The following KCNMA1 variants were observed in gnomAD, a reference collection of about 807,000 sequenced individuals.
The protein encoded by KCNMA1 is Calcium-activated potassium channel subunit alpha-1.
In KCNMA1, 29 loss-of-function variants were observed where a neutral mutation model predicts 140.0. That is an observed-to-expected ratio of 0.21 (90% CI 0.15 to 0.28). The LOEUF is 0.28. Ranked by LOEUF, KCNMA1 falls within the 10% of genes least tolerant of loss-of-function variation. KCNMA1 has a pLI of 1.00. For synonymous variants in KCNMA1, 612 were observed against 611.9 expected (o/e 1.00, Z 0.00); for missense variants, 880 against 1,602.2 (o/e 0.55, Z 7.70).
chr10:77,277,048 C>A (rs1001845657), intron 2 of KCNMA1, among the ~76,000 whole-genome samples: 2 of 152,176 alleles, frequency 1.3e-5, no homozygotes, highest in Non-Finnish European at 2.9e-5. Flanking sequence ...GAGATGTCAG[C>A]TGGCTGTGTG....
chr10:77,095,482 G>A (rs2096908727), intron 9 of KCNMA1, among the ~76,000 whole-genome samples: 1 of 152,172 alleles, frequency 6.6e-6, no homozygotes. Context: ...AGTAGTGCCT[G>A]GTGCTGGGTC....
chr10:77,313,031 T>C (rs2079763848), intron 2 of KCNMA1, among the ~76,000 whole-genome samples: 1 of 152,184 alleles, frequency 6.6e-6, no homozygotes, highest in Non-Finnish European at 1.5e-5. Context: ...CAACAACAAA[T>C]TGGACTTCTG....
intron 14 of KCNMA1, among the ~76,000 whole-genome samples, chr10:77,042,495 T>A (rs1465406705): frequency 2.0e-5 from 3 of 152,224 alleles, no homozygotes; most frequent in Non-Finnish European, 4.4e-5. Flanking sequence ...TAGAGCCTTA[T>A]GGGCAAATAG....
chr10:77,392,166 GGGA>G, intron 2 of KCNMA1, among the ~76,000 whole-genome samples: 1 of 120,214 alleles, frequency 8.3e-6, no homozygotes, highest in African/African-American at 3.4e-5. Context: ...AAGGGAGGGA[GGGA>G]GGAGGGAGGA....
intron 1 of KCNMA1, among the ~76,000 whole-genome samples, chr10:77,607,842 C>T (rs756457453): frequency 2.6e-5 from 4 of 152,106 alleles, no homozygotes; most frequent in African/African-American, 4.8e-5. Context: ...TGTTTGTGGT[C>T]GTTACAGCAG....
chr10:77,471,558 C>T (rs191242202), intron 1 of KCNMA1, among the ~76,000 whole-genome samples: 1 of 150,568 alleles, frequency 6.6e-6, no homozygotes, highest in African/African-American at 2.4e-5. Context: ...ACACCATACA[C>T]TGCACACACT....
intron 2 of KCNMA1, among the ~76,000 whole-genome samples, chr10:77,299,610 C>T (rs569976576): frequency 2.0e-5 from 3 of 152,206 alleles, no homozygotes; most frequent in South Asian, 2.1e-4. Flanking sequence ...TGTTCTGGAA[C>T]GCAGCTCTAA....
intron 21 of KCNMA1, among the ~76,000 whole-genome samples, chr10:76,952,336 T>C (rs2066589648): frequency 6.6e-6 from 1 of 152,102 alleles, no homozygotes; most frequent in African/African-American, 2.4e-5. Context: ...CTGGCCAATA[T>C]GGTGAAACCC....
chr10:77,367,282 G>T (rs1048654711), intron 2 of KCNMA1, among the ~76,000 whole-genome samples: 8 of 152,196 alleles, frequency 5.3e-5, no homozygotes, highest in African/African-American at 1.9e-4. Flanking sequence ...GGATATGGGA[G>T]ATTTCAGGGG....
intron 2 of KCNMA1, among the ~76,000 whole-genome samples, chr10:77,342,347 C>T (rs1294237740): frequency 1.3e-5 from 2 of 152,160 alleles, no homozygotes; most frequent in African/African-American, 4.8e-5. Flanking sequence ...TGACGCCTAC[C>T]CTGTGAGATA....
intron 5 of KCNMA1, among the ~76,000 whole-genome samples, chr10:77,154,734 A>G (rs1277350020): frequency 1.3e-5 from 2 of 152,322 alleles, no homozygotes; most frequent in South Asian, 2.1e-4. Flanking sequence ...GTTGGATGAA[A>G]ATACTGAATA....
intron 5 of KCNMA1, chr10:77,140,257 T>C (rs2098135160): frequency 1.3e-5 from 2 of 152,262 alleles, no homozygotes; most frequent in African/African-American, 2.4e-5. Context: ...CGGAATACTT[T>C]TGGGAGGAGA....
At position 77,108,434 on chromosome 10, in the gene KCNMA1, G is replaced by A. The variant is rs770569384; in HGVS notation, c.1223+47C>T. 1.2e-6 allele frequency: 2 copies of A among 1,605,486 alleles called. No homozygotes were observed. Among genetic ancestry groups the A allele is most frequent in the Non-Finnish European group, 1.7e-6 (2 of 1,173,466 alleles). On this transcript the variant is annotated intron_variant, in intron 9 of 27. Coordinates refer to ENST00000286628, the MANE Select transcript of KCNMA1 (RefSeq NM_001161352.2). This position sits in a 1 kb window ranked among gnomAD's most constrained non-coding sequence, Gnocchi z 4.6. ...AAAAAAAAAAAAAATGGCATGCAGA[G>A]AGGATTCTACCGCAGCAGAGGCAGC...
chr10:77,335,930 A>G (rs1230930049), intron 2 of KCNMA1, among the ~76,000 whole-genome samples: 1 of 152,018 alleles, frequency 6.6e-6, no homozygotes, highest in Non-Finnish European at 1.5e-5. Flanking sequence ...CTTGCCCTCC[A>G]TTTCCACTCC....
intron 9 of KCNMA1, among the ~76,000 whole-genome samples, chr10:77,107,612 G>A (rs780256676): frequency 2.6e-5 from 4 of 152,266 alleles, no homozygotes; most frequent in Admixed American, 1.3e-4. Flanking sequence ...CATTGATATC[G>A]AGAGTGATAA....
chr10:76,979,762 A>G (rs894602586), intron 19 of KCNMA1: 3 of 152,214 alleles, frequency 2.0e-5, no homozygotes, highest in African/African-American at 7.2e-5. Flanking sequence ...AGAGCCCCCT[A>G]GAATTCTAAT....
intron 2 of KCNMA1, among the ~76,000 whole-genome samples, chr10:77,278,282 C>T (rs2067274221): frequency 6.6e-6 from 1 of 152,244 alleles, no homozygotes; most frequent in Non-Finnish European, 1.5e-5. Flanking sequence ...AAATGCCCAA[C>T]AGATAGACAA....
At chr10:77,552,488 T>C (rs1323879500) in intron 1 of KCNMA1, among the ~76,000 whole-genome samples, 1 of 152,218 alleles carries the variant, frequency 6.6e-6, no homozygotes, top group Non-Finnish European at 1.5e-5. Context: ...CATAGAGCAG[T>C]ACTGTCTAGG....
At chr10:77,135,888 T>C (rs2098008852) in intron 5 of KCNMA1, among the ~76,000 whole-genome samples, 1 of 152,194 alleles carries the variant, frequency 6.6e-6, no homozygotes, top group African/African-American at 2.4e-5. Context: ...TTAAGATATC[T>C]ACTGTATTAC....
Sources: allele counts gnomAD v4.1 joint callset (sites outside exome capture counted in the v4.1 genomes callset), GRCh38; gene constraint gnomAD v4.1.1; non-coding constraint Gnocchi (gnomAD v3.1); transcripts MANE v1.5; gene names NCBI Gene and HGNC (gene_info 2026-07-23, HGNC 2026-07-21).